Variants in CTNND2 observed in about 807,000 individuals in gnomAD.
The protein encoded by CTNND2 is catenin delta 2, also known as catenin delta-2.
In CTNND2, 22 loss-of-function variants were observed where a neutral mutation model predicts 144.4. That is an observed-to-expected ratio of 0.15 (90% CI 0.11 to 0.22). The LOEUF is 0.22. Among genes scored for constraint, CTNND2 ranks in the 10% least tolerant of loss-of-function variants. The pLI, the probability that CTNND2 is intolerant of heterozygous loss-of-function variation, is 1.00. For synonymous variants in CTNND2, 751 were observed against 695.6 expected (o/e 1.08, Z -1.25); for missense variants, 1,353 against 1,618.8 (o/e 0.84, Z 2.82).
At chr5:11,355,322 T>C (rs1031270590) in intron 8 of CTNND2, among the ~76,000 whole-genome samples, 1 of 152,062 alleles carries the variant, frequency 6.6e-6, no homozygotes, top group African/African-American at 2.4e-5. Context: ...TATGATCAAA[T>C]AGGATTCATC....
chr5:11,329,316 G>A (rs968819404), intron 9 of CTNND2, among the ~76,000 whole-genome samples: 3 of 151,988 alleles, frequency 2.0e-5, no homozygotes, highest in African/African-American at 4.8e-5. Context: ...CACCACACGC[G>A]GCTAATATTT....
At chr5:11,289,122 C>T (rs568714926) in intron 9 of CTNND2, among the ~76,000 whole-genome samples, 16 of 152,312 alleles carry the variant, frequency 1.1e-4, no homozygotes, top group African/African-American at 3.8e-4. Flanking sequence ...TATCTGCACA[C>T]CTTAGCACAG....
At chr5:11,310,266 C>T (rs1416038585) in intron 9 of CTNND2, among the ~76,000 whole-genome samples, 3 of 152,058 alleles carry the variant, frequency 2.0e-5, no homozygotes, top group Non-Finnish European at 4.4e-5. Flanking sequence ...TTGTTCATTA[C>T]ATCCTCAGTG....
chr5:11,272,882 G>A (rs420787), intron 9 of CTNND2, among the ~76,000 whole-genome samples: 1 of 151,864 alleles, frequency 6.6e-6, no homozygotes, highest in East Asian at 1.9e-4. Context: ...TGGCCCATGG[G>A]ACAAATCTGG....
intron 3 of CTNND2, among the ~76,000 whole-genome samples, chr5:11,435,918 G>C (rs896081808): frequency 6.6e-6 from 1 of 152,176 alleles, no homozygotes; most frequent in African/African-American, 2.4e-5. Flanking sequence ...TTGGTTGCTT[G>C]AGTGCTTACT....
chr5:11,564,617 GA>G lies in CTNND2; in HGVS notation c.287+326del, dbSNP rs76497407. Among the ~76,000 whole-genome samples the G allele has an allele frequency of 0.015, 2,088 of 140,054 alleles. 18 individuals carry two copies. Among genetic ancestry groups the G allele is most frequent in the Middle Eastern group, 0.04 (11 of 276 alleles). 91.9% of individuals were successfully genotyped at this position (140,054 alleles called of 152,430 possible). On this transcript the variant is annotated intron_variant, in intron 3 of 21. Transcript: ENST00000304623. The stretch of plus-strand genomic sequence containing the variant: ...GAACCTGGAGCTCTGGATCATTTAC[GA>G]AAAAAAAAAAAAGTCCCAAACTCGG...
At chr5:11,831,536 C>A (rs1458034323) in intron 1 of CTNND2, among the ~76,000 whole-genome samples, 1 of 151,848 alleles carries the variant, frequency 6.6e-6, no homozygotes, top group African/African-American at 2.4e-5. Flanking sequence ...GGTGTGCTGG[C>A]GGGCGCCTGT....
chr5:11,421,496 C>T (rs2149854147), intron 3 of CTNND2, among the ~76,000 whole-genome samples: 1 of 152,256 alleles, frequency 6.6e-6, no homozygotes, highest in African/African-American at 2.4e-5. Context: ...CTAGTAACAT[C>T]ATGTTGTTCA....
At chr5:11,539,819 A>T (rs1774565377) in intron 3 of CTNND2, among the ~76,000 whole-genome samples, 1 of 152,304 alleles carries the variant, frequency 6.6e-6, no homozygotes, top group Middle Eastern at 3.4e-3. Flanking sequence ...GGATCACCTG[A>T]GGTCAGGAGT....
At chr5:11,725,718 A>C (rs1265663673) in intron 2 of CTNND2, among the ~76,000 whole-genome samples, 1 of 152,222 alleles carries the variant, frequency 6.6e-6, no homozygotes, top group East Asian at 1.9e-4. Context: ...TATATATCTG[A>C]GGAAATGTTT....
chr5:11,136,430 G>A (rs564042706), intron 12 of CTNND2, among the ~76,000 whole-genome samples: 36 of 152,186 alleles, frequency 2.4e-4, no homozygotes, highest in Non-Finnish European at 2.8e-4. Flanking sequence ...AAGATAAAAT[G>A]AAAAAGGCAA....
intron 3 of CTNND2, among the ~76,000 whole-genome samples, chr5:11,503,129 T>C (rs776006639): frequency 6.6e-6 from 1 of 152,210 alleles, no homozygotes; most frequent in Non-Finnish European, 1.5e-5. Flanking sequence ...TCAGCTCGCA[T>C]CTGCCCTTTC....
chr5:11,586,419 G>C (rs943673128), intron 2 of CTNND2, among the ~76,000 whole-genome samples: 14 of 152,158 alleles, frequency 9.2e-5, no homozygotes, highest in Non-Finnish European at 1.5e-5. Context: ...AAAAACATTT[G>C]TTGAATACAA....
At chr5:11,828,989 T>C (rs755104840) in intron 1 of CTNND2, among the ~76,000 whole-genome samples, 2 of 152,084 alleles carry the variant, frequency 1.3e-5, no homozygotes, top group Non-Finnish European at 2.9e-5. Context: ...GAAGCAAAGG[T>C]GACACTTGTT....
At chr5:11,076,103 A>T (rs1367989925) in intron 16 of CTNND2, among the ~76,000 whole-genome samples, 1 of 152,260 alleles carries the variant, frequency 6.6e-6, no homozygotes, top group Non-Finnish European at 1.5e-5. Flanking sequence ...TTTGGGGAAG[A>T]CATACGCATA....
intron 3 of CTNND2, among the ~76,000 whole-genome samples, chr5:11,530,919 G>A (rs1272468542): frequency 2.0e-5 from 3 of 151,932 alleles, no homozygotes; most frequent in Admixed American, 1.3e-4. Flanking sequence ...ACTTACAAAC[G>A]CACACAAAAA....
chr5:11,672,822 A>G (rs1431470314), intron 2 of CTNND2, among the ~76,000 whole-genome samples: 1 of 152,108 alleles, frequency 6.6e-6, no homozygotes, highest in Non-Finnish European at 1.5e-5. Context: ...CGTTCCTCCC[A>G]GTACAGTCTC....
At chr5:11,564,233 C>T (rs1449583657) in intron 3 of CTNND2, among the ~76,000 whole-genome samples, 1 of 152,110 alleles carries the variant, frequency 6.6e-6, no homozygotes, top group South Asian at 2.1e-4. Context: ...TAGTAGAGTG[C>T]CAAAAACACA....
At chr5:11,386,261 T>C (rs1032412577) in intron 6 of CTNND2, among the ~76,000 whole-genome samples, 1 of 151,904 alleles carries the variant, frequency 6.6e-6, no homozygotes, top group East Asian at 1.9e-4. Context: ...AGTAGGATTG[T>C]ACACAGAGTT....
Sources: gnomAD v4.1 joint callset for allele counts (sites outside exome capture counted in the v4.1 genomes callset) on GRCh38, gnomAD v4.1.1 for gene constraint, MANE v1.5 for transcripts, NCBI Gene and HGNC (gene_info 2026-07-23, HGNC 2026-07-21) for gene names.